GDI2: variants seen among roughly 807,000 people sequenced by gnomAD.
GDI2 encodes the protein rab GDP dissociation inhibitor beta.
Under a neutral mutation model 54.2 loss-of-function variants are expected in GDI2, and 22 were observed. The ratio of observed to expected loss-of-function variants is 0.41; its 90% CI spans 0.29 to 0.58. The LOEUF (loss-of-function observed/expected upper bound fraction) is 0.58. Among genes scored for constraint, GDI2 ranks in the 20% least tolerant of loss-of-function variants. The probability of loss-of-function intolerance (pLI) is 0.35; values close to 1 mark genes in which losing one functional copy is unlikely to be tolerated. For synonymous variants in GDI2, 177 were observed against 182.1 expected, an observed-to-expected ratio of 0.97 and a Z score of 0.23; for missense variants, 422 against 546.0, an observed-to-expected ratio of 0.77 and a Z score of 2.26.
chr10:5,780,766 AC>A (rs1840737312), intron 6 of GDI2, among the ~76,000 whole-genome samples: 1 of 152,212 alleles, frequency 6.6e-6, no homozygotes. Context: ...TGAGAAGAAA[AC>A]CACATGGAGA....
chr10:5,771,641 A>T (rs774621615), intron 7 of GDI2, among the ~76,000 whole-genome samples: 1 of 146,242 alleles, frequency 6.8e-6, no homozygotes. Flanking sequence ...AATCCTTATC[A>T]TCTTAAGGCT....
At chr10:5,791,984 A>G (rs73612464) in intron 4 of GDI2, among the ~76,000 whole-genome samples, 246 of 152,312 alleles carry the variant, frequency 1.6e-3, no homozygotes, top group African/African-American at 5.4e-3. Flanking sequence ...TATATATAGG[A>G]TCTTGACTAA....
At chr10:5,789,811 A>G (rs970315961) in intron 4 of GDI2, among the ~76,000 whole-genome samples, 4 of 152,264 alleles carry the variant, frequency 2.6e-5, no homozygotes, top group African/African-American at 7.2e-5. Context: ...AAGATGTAGT[A>G]TTAAGTCTTA....
At chr10:5,771,935 C>T (rs1394155178) in intron 7 of GDI2, among the ~76,000 whole-genome samples, 3 of 152,074 alleles carry the variant, frequency 2.0e-5, no homozygotes, top group Non-Finnish European at 1.5e-5. Flanking sequence ...ACTAAAAATA[C>T]AAAAATTAGC....
intron 6 of GDI2, 113 bp downstream of exon 6, chr10:5,785,029 G>A: frequency 1.6e-6 from 1 of 619,544 alleles, no homozygotes; most frequent in Non-Finnish European, 2.6e-6. Context: ...AAAATAAAAA[G>A]CATCTTATTA....
rs1025414809 is a variant in GDI2, at chr10:5,774,900, G to A, written c.720-959C>T. ...GGATTCACACCCAGGGGAAGGGGAA[G>A]GGCAAGGGCAAGGGCAAGGCCAAGG... is the stretch of plus-strand genomic sequence containing the variant. On this transcript the variant is annotated intron_variant, in intron 6 of 10. Transcript: ENST00000380191. This position sits in a 1 kb window ranked among gnomAD's most constrained non-coding sequence, Gnocchi z 4.8. 6.6e-6 allele frequency among the ~76,000 whole-genome samples: 1 copy of A among 151,856 alleles called. No homozygotes were observed. The highest frequency in any genetic ancestry group is 1.5e-5 in the Non-Finnish European group (1 of 67,956).
intron 1 of GDI2, among the ~76,000 whole-genome samples, chr10:5,810,742 T>C (rs979485372): frequency 2.0e-5 from 3 of 152,256 alleles, no homozygotes; most frequent in Non-Finnish European, 2.9e-5. Context: ...GAGATAACCT[T>C]TAGTTCCTCA....
chr10:5,766,290 A>C lies in GDI2; in HGVS notation c.1142T>G (p.Val381Gly), dbSNP rs779300230. The C allele has an allele frequency of 1.2e-6, 2 of 1,612,706 alleles. No individual in the cohort carries two copies. The highest frequency in any genetic ancestry group is 4.5e-5 in the East Asian group (2 of 44,882). The change falls in exon 10 of 11, where the codon GTT (valine) becomes GGT (glycine). Residue 381 changes from valine to glycine, a missense_variant. Physicochemically the swap from Val to Gly is moderately radical, Grantham distance 109. Transcript: ENST00000380191. The surrounding 1 kb of genome is among the most constrained non-coding windows in gnomAD (Gnocchi z 5.8). ...ELLEPIEQKF[V>G]SISDLLVPKD... ...TGGTACCAGGAGGTCACTGATGCTAACAAATCTGGAGGGAGAGAGAATTCA... is the reference window on the plus strand; with the variant it reads ...TGGTACCAGGAGGTCACTGATGCTACCAAATCTGGAGGGAGAGAGAATTCA...
At chr10:5,804,936 C>T (rs776181616) in intron 1 of GDI2, among the ~76,000 whole-genome samples, 5 of 151,612 alleles carry the variant, frequency 3.3e-5, no homozygotes, top group South Asian at 2.1e-4. Context: ...TGGGTTCAAG[C>T]GATTCTCCTG....
intron 1 of GDI2, among the ~76,000 whole-genome samples, chr10:5,808,909 A>G (rs1057313451): frequency 6.6e-6 from 1 of 152,112 alleles, no homozygotes; most frequent in African/African-American, 2.4e-5. Context: ...TGTTTTATGA[A>G]GAATGTTTCT....
At chr10:5,780,524 TAAAACTAGA>T (rs74935199) in intron 6 of GDI2, among the ~76,000 whole-genome samples, 50,109 of 151,580 alleles carry the variant, frequency 0.33, 8,595 homozygotes, top group Non-Finnish European at 0.38. Flanking sequence ...AAGAAATATA[TAAAACTAGA>T]AAAACTAGTA....
chr10:5,794,188 A>AATATATATAT (rs1165735549), intron 4 of GDI2, among the ~76,000 whole-genome samples: 9 of 40,336 alleles, frequency 2.2e-4, no homozygotes, highest in Non-Finnish European at 2.9e-4. Context: ...AAAAAAAAAA[A>AATATATATAT]ATATATATAT....
Position 5,776,168 on chromosome 10 carries a change from C to A in GDI2, c.720-2227G>T. 3.2e-6 allele frequency: 1 copy of A among 315,162 alleles called. No individual in the cohort carries two copies. Among genetic ancestry groups the A allele is most frequent in the East Asian group, 7.7e-5 (1 of 12,976 alleles). 19.5% of individuals were successfully genotyped at this position (315,162 alleles called of 1,614,324 possible). On this transcript the variant is annotated intron_variant, in intron 6 of 10. Coordinates refer to ENST00000380191, the MANE Select transcript of GDI2 (RefSeq NM_001494.4). This position sits in a 1 kb window ranked among gnomAD's most constrained non-coding sequence, Gnocchi z 5.3. ...TGTCACAAAAAGGCTGCGGCATATC[C>A]TTCAGAAGCCGTGAAGCTGACAGTC... is the stretch of plus-strand genomic sequence containing the variant.
In GDI2 at chr10:5,766,818, T is replaced by C. The variant is rs1019047525; in HGVS notation, c.992-180A>G. Among the ~76,000 whole-genome samples, 2 of 152,210 alleles carry C rather than the reference T, an allele frequency of 1.3e-5. No homozygotes were observed. The highest frequency in any genetic ancestry group is 2.9e-5 in the Non-Finnish European group (2 of 68,036). On this transcript the variant is annotated intron_variant, in intron 8 of 10. Transcript: ENST00000380191. The surrounding 1 kb of genome is among the most constrained non-coding windows in gnomAD (Gnocchi z 5.8). ...TGTAAAGTACACAGATATTTAACAA[T>C]AGGAATTTCTTTTAACCTACTAGAG...
intron 6 of GDI2, among the ~76,000 whole-genome samples, chr10:5,780,272 T>C (rs1271071915): frequency 2.7e-5 from 4 of 145,646 alleles, no homozygotes; most frequent in African/African-American, 5.0e-5. Flanking sequence ...ATAAGTGAAC[T>C]TAATGTGACA....
At chr10:5,769,581 A>G (rs1382962684) in intron 7 of GDI2, among the ~76,000 whole-genome samples, 1 of 152,086 alleles carries the variant, frequency 6.6e-6, no homozygotes, top group Non-Finnish European at 1.5e-5. Flanking sequence ...AAAGAAAAAA[A>G]AAAAAAAAAT....
chr10:5,789,161 A>C (rs1420442668), intron 4 of GDI2, among the ~76,000 whole-genome samples: 2 of 151,640 alleles, frequency 1.3e-5, no homozygotes, highest in Non-Finnish European at 2.9e-5. Flanking sequence ...ACTAGAGTGC[A>C]GTGGCGCAAC....
chr10:5,766,043 A>T lies in GDI2; in HGVS notation c.1301T>A (p.Met434Lys). The T allele has an allele frequency of 6.3e-7, 1 of 1,590,254 alleles. No homozygotes were observed. The highest frequency in any genetic ancestry group is 8.5e-7 in the Non-Finnish European group (1 of 1,173,730). ...MTGSEFDFEE[M>K]KRKKNDIYGE... is the part of the protein sequence containing the mutation. Reference sequence around the variant, plus strand: ...ATAGATGTCATTCTTCTTGCGCTTCATTTCCTCAAAGTCAAACTCTGATCC... The same window carrying T: ...ATAGATGTCATTCTTCTTGCGCTTCTTTTCCTCAAAGTCAAACTCTGATCC... Residue 434 changes from methionine (M) to lysine (K), a missense_variant, in exon 11 of 11, where the codon ATG (methionine) becomes AAG (lysine). Transcript: ENST00000380191. This position sits in a 1 kb window ranked among gnomAD's most constrained non-coding sequence, Gnocchi z 5.8.
intron 7 of GDI2, among the ~76,000 whole-genome samples, chr10:5,770,267 G>A (rs1399245300): frequency 6.6e-6 from 1 of 152,190 alleles, no homozygotes; most frequent in Non-Finnish European, 1.5e-5. Context: ...CTTTAGAAGA[G>A]GAAAAGTGAG....
Sources: gnomAD v4.1 joint callset for allele counts (sites outside exome capture counted in the v4.1 genomes callset) on GRCh38, gnomAD v4.1.1 for gene constraint, Gnocchi (gnomAD v3.1) non-coding constraint, MANE v1.5 for transcripts, NCBI Gene and HGNC (gene_info 2026-07-23, HGNC 2026-07-21) for gene names.